The following SOX6 variants were observed in gnomAD, a reference collection of about 807,000 sequenced individuals.
SOX6 encodes transcription factor SOX-6.
A neutral mutation model predicts 97.8 loss-of-function variants in SOX6; 11 were observed. That is an observed-to-expected ratio of 0.11 (90% CI 0.07 to 0.19). SOX6 has a LOEUF of 0.19. Ranked by LOEUF, SOX6 falls within the 10% of genes least tolerant of loss-of-function variation. The pLI is 1.00. For synonymous variants in SOX6, 360 were observed against 371.4 expected (o/e 0.97, Z 0.35); for missense variants, 810 against 1,039.5 (o/e 0.78, Z 3.04).
chr11:16,583,616 T>TATATACAC (rs1554976101), intron 4 of SOX6, among the ~76,000 whole-genome samples: 4 of 52,502 alleles, frequency 7.6e-5, no homozygotes, highest in Non-Finnish European at 1.4e-4. Flanking sequence ...TATATATACA[T>TATATACAC]ATATATATAT....
At chr11:16,572,571 G>T (rs972823083) in intron 4 of SOX6, among the ~76,000 whole-genome samples, 3 of 152,096 alleles carry the variant, frequency 2.0e-5, no homozygotes, top group Non-Finnish European at 4.4e-5. Flanking sequence ...GTAAAATTAA[G>T]CCTTTTCAGT....
chr11:16,553,334 T>C (rs1847710883), intron 4 of SOX6, among the ~76,000 whole-genome samples: 1 of 152,216 alleles, frequency 6.6e-6, no homozygotes, highest in South Asian at 2.1e-4. Flanking sequence ...TTTATACTCA[T>C]GTATATCCAC....
intron 3 of SOX6, among the ~76,000 whole-genome samples, chr11:16,668,355 A>G (rs531334363): frequency 6.2e-4 from 94 of 152,274 alleles, no homozygotes; most frequent in African/African-American, 2.2e-3. Flanking sequence ...TCTGGGTGAC[A>G]CAGGGAGACT....
intron 1 of SOX6, among the ~76,000 whole-genome samples, chr11:16,382,827 A>T (rs1857864874): frequency 6.6e-6 from 1 of 152,016 alleles, no homozygotes; most frequent in East Asian, 1.9e-4. Context: ...TACTAGTTGT[A>T]CTAGTAATGG....
chr11:16,720,661 T>C (rs1196796822), intron 2 of SOX6, among the ~76,000 whole-genome samples: 5 of 148,362 alleles, frequency 3.4e-5, no homozygotes, highest in African/African-American at 1.2e-4. Context: ...ACCTGCACAT[T>C]GTGCACATGT....
intron 3 of SOX6, among the ~76,000 whole-genome samples, chr11:16,286,193 G>A (rs1212369068): frequency 2.0e-5 from 3 of 152,156 alleles, no homozygotes; most frequent in African/African-American, 2.4e-5. Context: ...CAGGGTCCAC[G>A]GTGATATTCA....
At chr11:16,108,236 T>A (rs193144552) in intron 7 of SOX6, among the ~76,000 whole-genome samples, 233 of 152,168 alleles carry the variant, frequency 1.5e-3, no homozygotes, top group Non-Finnish European at 2.3e-3. Flanking sequence ...TCATAACTAG[T>A]GAGTAAATGG....
At chr11:16,089,677 C>G (rs945866211) in intron 9 of SOX6, among the ~76,000 whole-genome samples, 2 of 152,182 alleles carry the variant, frequency 1.3e-5, no homozygotes, top group African/African-American at 4.8e-5. Flanking sequence ...ACTGGCAGAA[C>G]AGTAATAGCT....
chr11:16,626,151 G>T (rs766291358), intron 3 of SOX6, among the ~76,000 whole-genome samples: 1 of 152,140 alleles, frequency 6.6e-6, no homozygotes, highest in African/African-American at 2.4e-5. Flanking sequence ...GTGGAGAATT[G>T]CTTGGTGTGG....
intron 4 of SOX6, among the ~76,000 whole-genome samples, chr11:16,520,019 G>A (rs1231617836): frequency 1.3e-5 from 2 of 152,104 alleles, no homozygotes; most frequent in Non-Finnish European, 2.9e-5. Flanking sequence ...GTCTGTTCAT[G>A]TCCTTTGCCC....
chr11:16,360,682 G>A (rs1004573430), upstream of SOX6, among the ~76,000 whole-genome samples: 23 of 152,070 alleles, frequency 1.5e-4, no homozygotes, highest in South Asian at 2.1e-4. Context: ...TAAATAATGC[G>A]TTGAATGACT....
chr11:16,594,740 T>G (rs922269647), intron 4 of SOX6, among the ~76,000 whole-genome samples: 7 of 131,440 alleles, frequency 5.3e-5, no homozygotes, highest in Admixed American at 2.7e-4. Context: ...ACCCAGGCTG[T>G]AGTGCAGTGG....
At chr11:15,999,353 A>G (rs2119881245) in intron 13 of SOX6, among the ~76,000 whole-genome samples, 1 of 152,274 alleles carries the variant, frequency 6.6e-6, no homozygotes, top group Non-Finnish European at 1.5e-5. Context: ...TTTACTTATG[A>G]CCCAGCAAAC....
chr11:16,062,462 C>A (rs938296154), intron 9 of SOX6, among the ~76,000 whole-genome samples: 30 of 151,744 alleles, frequency 2.0e-4, no homozygotes, highest in Admixed American at 6.6e-4. Context: ...ATATTCATTT[C>A]TAAACATAGT....
intron 6 of SOX6, among the ~76,000 whole-genome samples, chr11:16,139,951 T>TATA: frequency 8.0e-6 from 1 of 124,716 alleles, no homozygotes; most frequent in Non-Finnish European, 1.6e-5. Context: ...GGCTCATATA[T>TATA]TATATATATA....
chr11:16,518,156 G>C (rs1861003285), intron 4 of SOX6, among the ~76,000 whole-genome samples: 1 of 152,106 alleles, frequency 6.6e-6, no homozygotes, highest in African/African-American at 2.4e-5. Context: ...TTTCATAAAT[G>C]TGGCCAAATT....
chr11:16,335,428 C>A (rs1394278191), intron 2 of SOX6, among the ~76,000 whole-genome samples: 1 of 152,070 alleles, frequency 6.6e-6, no homozygotes, highest in Non-Finnish European at 1.5e-5. Context: ...ATAAATCTTA[C>A]CTTAGGAGTT....
At chr11:16,659,186 C>T (rs1365459127) in intron 3 of SOX6, among the ~76,000 whole-genome samples, 2 of 152,158 alleles carry the variant, frequency 1.3e-5, no homozygotes, top group Non-Finnish European at 2.9e-5. Context: ...ACATTTAAGT[C>T]TATGATCCAC....
chr11:16,580,358 G>A (rs1848021244), intron 4 of SOX6, among the ~76,000 whole-genome samples: 1 of 151,888 alleles, frequency 6.6e-6, no homozygotes. Flanking sequence ...TCAATTACCA[G>A]GACAAGATGC....
Sources: gnomAD v4.1 joint callset for allele counts (sites outside exome capture counted in the v4.1 genomes callset) on GRCh38, gnomAD v4.1.1 for gene constraint, MANE v1.5 for transcripts, NCBI Gene and HGNC (gene_info 2026-07-23, HGNC 2026-07-21) for gene names.